Variants in ZBTB25 observed in about 807,000 individuals in gnomAD.
ZBTB25 encodes the protein zinc finger and BTB domain-containing protein 25.
Under a neutral mutation model 34.2 loss-of-function variants are expected in ZBTB25, and 20 were observed. That is an observed-to-expected ratio of 0.58 (90% confidence interval 0.41 to 0.85). ZBTB25 has a LOEUF of 0.85. Among genes scored for constraint, ZBTB25 ranks in the 40% least tolerant of loss-of-function variants. ZBTB25 has a pLI of 0.00. For synonymous variants in ZBTB25, 175 were observed against 186.4 expected, an observed-to-expected ratio of 0.94 and a Z score of 0.50; for missense variants, 437 against 521.8, an observed-to-expected ratio of 0.84 and a Z score of 1.58.
chr14:64,492,821 G>C (rs1331447335), intron 1 of ZBTB25, among the ~76,000 whole-genome samples: 1 of 152,134 alleles, frequency 6.6e-6, no homozygotes, highest in Non-Finnish European at 1.5e-5. Flanking sequence ...ATGTGTAAAA[G>C]CCTGCATTGT....
rs768451896 is a variant in ZBTB25, at chr14:64,478,113, G to A, written c.*8810C>T. 6.6e-6 allele frequency: 1 copy of A among 152,200 alleles called. No individual in the cohort carries two copies. The highest frequency in any genetic ancestry group is 1.5e-5 in the Non-Finnish European group (1 of 68,038). 9.4% of individuals were successfully genotyped at this position (152,200 alleles called of 1,614,324 possible). On this transcript the variant is annotated 3_prime_UTR_variant, in exon 3 of 3. Transcript: ENST00000608382. ...TCACCAAATTGTTTCAATGAAAAACGTTTCAAACAGCGGAAGAGAATGTAT... is the reference window on the plus strand; with the variant it reads ...TCACCAAATTGTTTCAATGAAAAACATTTCAAACAGCGGAAGAGAATGTAT...
intron 2 of ZBTB25, chr14:64,473,017 G>C (rs1173471785): frequency 6.0e-6 from 1 of 166,946 alleles, no homozygotes; most frequent in Non-Finnish European, 1.5e-5. Flanking sequence ...CTGGGGGTTG[G>C]GGAGGGGGAT....
intron 2 of ZBTB25, among the ~76,000 whole-genome samples, chr14:64,489,696 T>G (rs1037201376): frequency 6.6e-6 from 1 of 151,424 alleles, no homozygotes; most frequent in Non-Finnish European, 1.5e-5. Context: ...CCACCATGCC[T>G]GGCTAATTTT....
intron 1 of ZBTB25, among the ~76,000 whole-genome samples, chr14:64,495,544 G>T (rs1041983011): frequency 6.6e-6 from 1 of 152,202 alleles, no homozygotes; most frequent in Non-Finnish European, 1.5e-5. Context: ...ATCACCAGCT[G>T]GGACCTTATG....
chr14:64,491,517 G>A (rs1480023476), intron 1 of ZBTB25, among the ~76,000 whole-genome samples: 4 of 152,066 alleles, frequency 2.6e-5, no homozygotes, highest in Admixed American at 6.5e-5. Context: ...GGATTCAGAC[G>A]CATATTATAA....
At chr14:64,496,849 C>T (rs2079294976) in intron 1 of ZBTB25, among the ~76,000 whole-genome samples, 1 of 152,142 alleles carries the variant, frequency 6.6e-6, no homozygotes, top group Non-Finnish European at 1.5e-5. Context: ...CCTTGGACTA[C>T]ACTTTGAGAA....
intron 2 of ZBTB25, among the ~76,000 whole-genome samples, chr14:64,488,846 T>C (rs561650374): frequency 3.3e-5 from 5 of 152,318 alleles, no homozygotes; most frequent in East Asian, 3.9e-4. Flanking sequence ...TTGTACAACA[T>C]TGCGAATGTG....
chr14:64,456,278 G>T (rs1241278901), intron 2 of ZBTB25, among the ~76,000 whole-genome samples: 1 of 152,134 alleles, frequency 6.6e-6, no homozygotes, highest in South Asian at 2.1e-4. Flanking sequence ...GGACCAAGGC[G>T]TTTCCACACA....
chr14:64,461,158 C>A (rs2078550071), intron 2 of ZBTB25: 2 of 152,250 alleles, frequency 1.3e-5, no homozygotes, highest in South Asian at 4.2e-4. Context: ...ATGCTGCATC[C>A]CACTGGCGCC....
chr14:64,465,211 T>TC (rs34722850), intron 2 of ZBTB25, among the ~76,000 whole-genome samples: 3,322 of 151,666 alleles, frequency 0.022, 40 homozygotes, highest in Middle Eastern at 0.054. Context: ...ATTGCCCTGG[T>TC]CCCCCCCGCC....
At position 64,483,900 on chromosome 14, in the gene ZBTB25, C is replaced by A. The variant is rs1047626995; in HGVS notation, c.*3023G>T. 1 of 131,740 alleles carries A rather than the reference C, an allele frequency of 7.6e-6. No homozygotes were observed. The highest frequency in any genetic ancestry group is 2.9e-5 in the African/African-American group (1 of 34,064). 8.2% of individuals were successfully genotyped at this position (131,740 alleles called of 1,614,324 possible). ...CGGAGGTTGCAGTGAGCTGAGATTG[C>A]ACCACTGCACTCCAGCCTGGCGACA... On this transcript the variant is annotated 3_prime_UTR_variant, in exon 3 of 3. Transcript: ENST00000608382.
chr14:64,469,021 G>A, intron 2 of ZBTB25: 1 of 1,614,208 alleles, frequency 6.2e-7, no homozygotes, highest in Non-Finnish European at 8.5e-7. Context: ...GAGAGAAAGT[G>A]ATTTCAGTAG....
intron 2 of ZBTB25, chr14:64,462,696 T>C (rs561175364): frequency 6.6e-6 from 1 of 152,326 alleles, no homozygotes; most frequent in East Asian, 1.9e-4. Flanking sequence ...ATAGCATTTA[T>C]GTGCTGCCAC....
At chr14:64,497,630 T>C (rs2079323346) in intron 1 of ZBTB25, among the ~76,000 whole-genome samples, 1 of 152,214 alleles carries the variant, frequency 6.6e-6, no homozygotes, top group African/African-American at 2.4e-5. Context: ...AAACCTTCTT[T>C]ACCTTCTAGA....
intron 1 of ZBTB25, among the ~76,000 whole-genome samples, chr14:64,492,537 C>T (rs978610558): frequency 6.6e-6 from 1 of 151,624 alleles, no homozygotes; most frequent in African/African-American, 2.4e-5. Context: ...ATGTGAAAAA[C>T]GTGTCTTAGA....
chr14:64,482,084 A>T lies in ZBTB25; in HGVS notation c.*4839T>A, dbSNP rs935172216. On this transcript the variant is annotated 3_prime_UTR_variant, in exon 3 of 3. Coordinates refer to ENST00000608382, the MANE Select transcript of ZBTB25 (RefSeq NM_006977.5). ...GTATTTCCTTCAATTTTCAGTGAAG[A>T]CTTTTCTAATAATACTATTATTACC... 6.6e-6 allele frequency: 1 copy of T among 152,176 alleles called. No homozygotes were observed. Among genetic ancestry groups the T allele is most frequent in the African/African-American group, 2.4e-5 (1 of 41,438 alleles). 9.4% of individuals were successfully genotyped at this position (152,176 alleles called of 1,614,324 possible). A position where few individuals can be genotyped will look rare whatever the true frequency, so the allele number is the denominator to read the frequency against.
In ZBTB25 at chr14:64,451,551, A is replaced by G. The variant is rs990485412; in HGVS notation, c.174-1913T>C. 4.6e-5 allele frequency among the ~76,000 whole-genome samples: 7 copies of G among 152,284 alleles called. No individual in the cohort carries two copies. In the South Asian group the frequency reaches 1.0e-3, roughly 22 times the overall value. ...GCAATCATCCTTTTAGAAAAATGCCATAAACACAAATTTGCACACAAATGC... is the reference window on the plus strand; with the variant it reads ...GCAATCATCCTTTTAGAAAAATGCCGTAAACACAAATTTGCACACAAATGC... On this transcript the variant is annotated intron_variant, in intron 2 of 2. Transcript: ENST00000555220.
rs745930738 is a variant in ZBTB25 at position 64,480,322 on chromosome 14, CAAAAAAAAAAAA to C, written c.*6589_*6600del. ...TGGGCAACAGAGCAAGACTCCATCT[CAAAAAAAAAAAA>C]AAAAAAAAAAAAGAAGAAGCAAAGC... On this transcript the variant is annotated 3_prime_UTR_variant, in exon 3 of 3. Transcript: ENST00000608382. 5.3e-5 allele frequency: 11 copies of C among 207,464 alleles called. No homozygotes were observed. The highest frequency in any genetic ancestry group is 1.6e-4 in the African/African-American group (3 of 18,784). The allele number at this position is 207,464 out of a possible 1,614,324, so 12.9% of individuals were successfully genotyped here. A position where few individuals can be genotyped will look rare whatever the true frequency, so the allele number is the denominator to read the frequency against.
intron 1 of ZBTB25, 95 bp downstream of exon 1, chr14:64,503,566 G>A: frequency 1.0e-6 from 1 of 986,032 alleles, no homozygotes; most frequent in East Asian, 1.1e-4. Context: ...CATCTGTCCC[G>A]CGACTGGTGC....
Sources: gnomAD v4.1 joint callset for allele counts (sites outside exome capture counted in the v4.1 genomes callset) on GRCh38, gnomAD v4.1.1 for gene constraint, MANE v1.5 for transcripts, NCBI Gene and HGNC (gene_info 2026-07-23, HGNC 2026-07-21) for gene names.